The following ESRP1 variants were observed in gnomAD, a reference collection of about 807,000 sequenced individuals.
ESRP1 encodes the protein RNA-binding motif protein 35A.
A neutral mutation model predicts 81.7 loss-of-function variants in ESRP1; 33 were observed. The observed-to-expected ratio is 0.40, with a 90% CI of 0.31 to 0.54. The LOEUF is 0.54. Ranked by LOEUF, ESRP1 falls within the 20% of genes least tolerant of loss-of-function variation. The probability of loss-of-function intolerance (pLI) is 0.41; values close to 1 mark genes in which losing one functional copy is unlikely to be tolerated. For missense variants in ESRP1, 672 were observed against 833.1 expected (o/e 0.81, Z 2.38); for synonymous variants, 320 against 303.3 (o/e 1.06, Z -0.57).
Position 94,671,434 on chromosome 8 carries a change from T to C in ESRP1, c.1234-19T>C. The C allele has an allele frequency of 6.2e-7, 1 of 1,602,484 alleles. No individual in the cohort carries two copies. Among genetic ancestry groups the C allele is most frequent in the Non-Finnish European group, 8.5e-7 (1 of 1,172,962 alleles). Reference sequence around the variant, plus strand: ...GAGTAGCACAGCTCTAAATTACTTCTGTTTTGCTTTGAGTACAGGTGCTGA... The same window carrying C: ...GAGTAGCACAGCTCTAAATTACTTCCGTTTTGCTTTGAGTACAGGTGCTGA... On this transcript the variant is annotated intron_variant, in intron 10 of 15. Transcript: ENST00000433389.
intron 10 of ESRP1, among the ~76,000 whole-genome samples, chr8:94,670,855 T>C (rs1819282224): frequency 6.6e-6 from 1 of 152,234 alleles, no homozygotes; most frequent in African/African-American, 2.4e-5. Flanking sequence ...GGTCAACAAA[T>C]GATTCTTTTC....
At chr8:94,667,905 C>A (rs751837489) in intron 9 of ESRP1, 44 bp from the exon 10 acceptor site, 1 of 1,492,298 alleles carries the variant, frequency 6.7e-7, no homozygotes, top group Admixed American at 2.2e-5. Context: ...AAGTTGATGT[C>A]TTAACTATTT....
intron 15 of ESRP1, among the ~76,000 whole-genome samples, chr8:94,697,894 C>T (rs533909471): frequency 2.9e-4 from 44 of 152,272 alleles, no homozygotes; most frequent in African/African-American, 1.1e-3. Flanking sequence ...GATTCTCCTG[C>T]CTCAGCCTCC....
intron 4 of ESRP1, among the ~76,000 whole-genome samples, chr8:94,655,388 C>CT (rs35393650): frequency 0.34 from 47,732 of 139,198 alleles, 8,435 homozygotes; most frequent in African/African-American, 0.46. Context: ...CACTTGGCAT[C>CT]TTTTTTTTTT....
Position 94,668,004 on chromosome 8 carries a change from C to T in ESRP1, c.987C>T (p.Arg329=), listed in dbSNP as rs192126694. The change falls in exon 10 of 16, where the codon CGC becomes CGT. Residue 329 remains arginine, a synonymous_variant. Coordinates refer to ENST00000433389, the MANE Select transcript of ESRP1 (RefSeq NM_017697.4). ...CCAAGGAAAATCAAGTCATTGTCCG[C>T]ATGCGGGGGCTCCCTTTCACGGCCA... ...FLSKENQVIV[R]MRGLPFTATA... 8.6e-4 allele frequency: 1,387 copies of T among 1,612,926 alleles called. 1 individual carries two copies. Among genetic ancestry groups the T allele is most frequent in the Non-Finnish European group, 8.3e-4 (984 of 1,179,222 alleles).
intron 13 of ESRP1, among the ~76,000 whole-genome samples, chr8:94,691,516 G>C (rs1809401656): frequency 6.6e-6 from 1 of 152,222 alleles, no homozygotes; most frequent in Non-Finnish European, 1.5e-5. Flanking sequence ...CTGAAGAGCA[G>C]TTCTGTGAAA....
intron 15 of ESRP1, among the ~76,000 whole-genome samples, chr8:94,701,145 T>C (rs1809818710): frequency 1.3e-5 from 2 of 150,936 alleles, no homozygotes; most frequent in African/African-American, 4.9e-5. Flanking sequence ...TGTGGTGGTG[T>C]GTGCCTATAA....
At chr8:94,658,909 G>C (rs1237997157) in intron 4 of ESRP1, among the ~76,000 whole-genome samples, 1 of 152,110 alleles carries the variant, frequency 6.6e-6, no homozygotes, top group Non-Finnish European at 1.5e-5. Flanking sequence ...GTTGTATTTT[G>C]TCTTTTTTTA....
At chr8:94,705,635 T>G in intron 15 of ESRP1, 1 of 282,888 alleles carries the variant, frequency 3.5e-6, no homozygotes. Flanking sequence ...GAGCAGGGAG[T>G]CGGAAACCAT....
intron 15 of ESRP1, among the ~76,000 whole-genome samples, chr8:94,704,287 A>G (rs939936374): frequency 5.3e-5 from 8 of 152,000 alleles, no homozygotes; most frequent in Admixed American, 3.9e-4. Flanking sequence ...AGTCTAAAAC[A>G]TTCCTGTTTT....
Position 94,641,376 on chromosome 8 carries a change from G to A in ESRP1, c.58G>A (p.Gly20Arg). Residue 20 changes from glycine to arginine, a missense_variant, in exon 1 of 16, where the codon GGG (glycine) becomes AGG (arginine). Coordinates refer to ENST00000433389, the MANE Select transcript of ESRP1 (RefSeq NM_017697.4). The part of the protein sequence containing the change: ...VLFGITAGAT[G>R]AKLGSDEKEL... ...TTTTGGGATCACTGCTGGGGCCACC[G>A]GGGCCAAGCTAGGCTCGGATGAGAA... 3 of 1,613,782 alleles carry A rather than the reference G, an allele frequency of 1.9e-6. No homozygotes were observed. The highest frequency in any genetic ancestry group is 2.5e-6 in the Non-Finnish European group (3 of 1,179,802).
intron 13 of ESRP1, among the ~76,000 whole-genome samples, chr8:94,692,434 A>T (rs183713960): frequency 6.6e-6 from 1 of 152,194 alleles, no homozygotes; most frequent in Admixed American, 6.5e-5. Context: ...TAAGAATCTC[A>T]GGGATGTGAG....
At position 94,706,071 on chromosome 8, in the gene ESRP1, T is replaced by G; in HGVS notation, c.*182T>G. On this transcript the variant is annotated 3_prime_UTR_variant, in exon 16 of 16. Coordinates refer to ENST00000433389, the MANE Select transcript of ESRP1 (RefSeq NM_017697.4). ...GCCTGTGCCTTATCTTTTGGTGGAG[T>G]GAAAAAATTTGAGCTAGTGAAGCCA... 1 of 1,000,100 alleles carries G rather than the reference T, an allele frequency of 1.0e-6. No individual in the cohort carries two copies. The highest frequency in any genetic ancestry group is 1.4e-6 in the Non-Finnish European group (1 of 698,346). The allele number at this position is 1,000,100 out of a possible 1,614,324, so 62.0% of individuals were successfully genotyped here.
chr8:94,679,863 T>C (rs981121854), intron 13 of ESRP1, among the ~76,000 whole-genome samples: 3 of 152,186 alleles, frequency 2.0e-5, no homozygotes. Flanking sequence ...CCTTCTTTCT[T>C]TTTTTTAAAA....
chr8:94,655,971 C>T (rs1049535383), intron 4 of ESRP1: 1 of 152,028 alleles, frequency 6.6e-6, no homozygotes, highest in Non-Finnish European at 1.5e-5. Flanking sequence ...GCTGGAGGGT[C>T]GCTTGAATCC....
chr8:94,683,385 A>G (rs12676890), intron 13 of ESRP1, among the ~76,000 whole-genome samples: 46,282 of 151,906 alleles, frequency 0.3, 8,640 homozygotes, highest in East Asian at 0.56. Context: ...TACATTTCCT[A>G]TTTTGAACTT....
chr8:94,671,636 C>T lies in ESRP1; in HGVS notation c.1417C>T (p.Arg473Cys), dbSNP rs1320443775. ...DFLGEFATDIRTHGVHMVLNH... is the reference protein window; with the variant it reads ...DFLGEFATDICTHGVHMVLNH... Reference sequence around the variant, plus strand: ...CCTGGGGGAGTTCGCCACAGATATTCGTACTCATGGGGTTCACATGGTTTT... The same window carrying T: ...CCTGGGGGAGTTCGCCACAGATATTTGTACTCATGGGGTTCACATGGTTTT... The change falls in exon 11 of 16, where the codon CGT (arginine) becomes TGT (cysteine). Residue 473 changes from arginine to cysteine, a missense_variant. Arg to Cys is a radical substitution (Grantham distance 180). Transcript: ENST00000433389. 46 of 1,613,680 alleles carry T rather than the reference C, an allele frequency of 2.9e-5. No homozygotes were observed. The highest frequency in any genetic ancestry group is 3.6e-5 in the Non-Finnish European group (43 of 1,179,854).
At chr8:94,681,332 A>T (rs1273989845) in intron 13 of ESRP1, among the ~76,000 whole-genome samples, 4 of 138,142 alleles carry the variant, frequency 2.9e-5, no homozygotes, top group African/African-American at 5.5e-5. Context: ...TCTCAAAAAA[A>T]AAAAAAAAAA....
chr8:94,652,436 A>G (rs1818189277), intron 4 of ESRP1, among the ~76,000 whole-genome samples: 1 of 151,136 alleles, frequency 6.6e-6, no homozygotes, highest in African/African-American at 2.4e-5. Flanking sequence ...TAATCAAGTG[A>G]GGATGGTGAG....
Sources: allele counts gnomAD v4.1 joint callset (sites outside exome capture counted in the v4.1 genomes callset), GRCh38; gene constraint gnomAD v4.1.1; transcripts MANE v1.5; gene names NCBI Gene and HGNC (gene_info 2026-07-23, HGNC 2026-07-21).